Variants in BAZ2B observed in about 807,000 individuals in gnomAD.
The protein encoded by BAZ2B is bromodomain adjacent to zinc finger domain protein 2B.
A neutral mutation model predicts 246.0 loss-of-function variants in BAZ2B; 91 were observed. The ratio of observed to expected loss-of-function variants is 0.37; its 90% CI spans 0.31 to 0.44. The LOEUF (loss-of-function observed/expected upper bound fraction) is 0.44. Among genes scored for constraint, BAZ2B ranks in the 20% least tolerant of loss-of-function variants. BAZ2B has a pLI of 1.00. For missense variants in BAZ2B, 2,332 were observed against 2,533.7 expected, an observed-to-expected ratio of 0.92 and a Z score of 1.71; for synonymous variants, 855 against 860.0, an observed-to-expected ratio of 0.99 and a Z score of 0.10.
At chr2:159,710,189 A>G in the BAZ2B span, among the ~76,000 whole-genome samples, 1 of 150,770 alleles carries the variant, frequency 6.6e-6, no homozygotes, top group Non-Finnish European at 1.5e-5. Context: ...ACCTATTCAC[A>G]TCCATAATTC....
At chr2:159,468,443 G>GA in intron 3 of BAZ2B, among the ~76,000 whole-genome samples, 1 of 152,302 alleles carries the variant, frequency 6.6e-6, no homozygotes, top group East Asian at 1.9e-4. Flanking sequence ...AGTCTAGCAT[G>GA]AAAAAGCAGA....
At chr2:159,467,647 T>G (rs1340075228) in intron 3 of BAZ2B, among the ~76,000 whole-genome samples, 3 of 152,188 alleles carry the variant, frequency 2.0e-5, no homozygotes, top group Admixed American at 6.5e-5. Context: ...GAAAAAATTT[T>G]TTTAAATTAA....
chr2:159,690,827 C>T, the BAZ2B span, among the ~76,000 whole-genome samples: 2 of 152,006 alleles, frequency 1.3e-5, no homozygotes, highest in Non-Finnish European at 2.9e-5. Flanking sequence ...ATATCATCTG[C>T]AAATAGAGAT....
At chr2:159,702,445 T>C in the BAZ2B span, among the ~76,000 whole-genome samples, 1 of 152,192 alleles carries the variant, frequency 6.6e-6, no homozygotes, top group Admixed American at 6.5e-5. Context: ...TAATTTTTAA[T>C]GCTACTATTT....
At chr2:159,348,566 T>C in intron 30 of BAZ2B, 112 bp downstream of exon 30, 3 of 1,265,844 alleles carry the variant, frequency 2.4e-6, no homozygotes, top group South Asian at 3.3e-5. Flanking sequence ...AATCCATAGA[T>C]GTGGAACCCA....
intron 2 of BAZ2B, among the ~76,000 whole-genome samples, chr2:159,498,361 C>A (rs954979851): frequency 1.3e-5 from 2 of 151,992 alleles, no homozygotes; most frequent in African/African-American, 2.4e-5. Context: ...CAATTCCAAG[C>A]CGATTTAGTT....
At chr2:159,610,926 T>C (rs1173738381) in intron 1 of BAZ2B, among the ~76,000 whole-genome samples, 1 of 152,102 alleles carries the variant, frequency 6.6e-6, no homozygotes, top group Non-Finnish European at 1.5e-5. Context: ...TTTCAAACTC[T>C]ATTATGACTG....
At chr2:159,685,381 C>T in the BAZ2B span, among the ~76,000 whole-genome samples, 1 of 152,134 alleles carries the variant, frequency 6.6e-6, no homozygotes, top group African/African-American at 2.4e-5. Flanking sequence ...GGATGTGCAT[C>T]TTACAACATT....
intron 2 of BAZ2B, among the ~76,000 whole-genome samples, chr2:159,491,534 A>C (rs921127387): frequency 6.7e-6 from 1 of 150,200 alleles, no homozygotes; most frequent in Non-Finnish European, 1.5e-5. Flanking sequence ...TCCCGGCTAA[A>C]ACGGTGAAAC....
rs528700518 is a variant in BAZ2B, at chr2:159,502,708, G to A, written c.-2-23987C>T. On this transcript the variant is annotated intron_variant, in intron 2 of 36. Transcript: ENST00000392783. ...ATTTGACTTAATGAATTCTCTATGGGAATTTTAAATTCAATATTCTTGATT... is the reference window on the plus strand; with the variant it reads ...ATTTGACTTAATGAATTCTCTATGGAAATTTTAAATTCAATATTCTTGATT... Among the ~76,000 whole-genome samples, 9 of 152,204 alleles carry A rather than the reference G, an allele frequency of 5.9e-5. No individual in the cohort carries two copies. The South Asian group carries it at 8.3e-4, about 14-fold the overall frequency.
intron 31 of BAZ2B, among the ~76,000 whole-genome samples, chr2:159,338,539 C>G (rs1331379051): frequency 6.6e-6 from 1 of 152,170 alleles, no homozygotes; most frequent in Non-Finnish European, 1.5e-5. Flanking sequence ...TGTATGTTGA[C>G]TGAACAATCA....
At chr2:159,450,489 C>G (rs1450743255) in intron 4 of BAZ2B, among the ~76,000 whole-genome samples, 3 of 151,662 alleles carry the variant, frequency 2.0e-5, no homozygotes, top group African/African-American at 4.8e-5. Flanking sequence ...ACAATAAGAT[C>G]AGTTAAATAA....
At chr2:159,482,937 C>A (rs1577613904) in intron 2 of BAZ2B, among the ~76,000 whole-genome samples, 1 of 152,136 alleles carries the variant, frequency 6.6e-6, no homozygotes, top group East Asian at 1.9e-4. Context: ...AGGGCCAGAG[C>A]ATCCACATCT....
chr2:159,608,918 A>AGCT (rs1386337090), intron 1 of BAZ2B, among the ~76,000 whole-genome samples: 9 of 152,278 alleles, frequency 5.9e-5, no homozygotes, highest in African/African-American at 2.2e-4. Flanking sequence ...AAGTGCTGAG[A>AGCT]GCTACTTCAT....
the BAZ2B span, among the ~76,000 whole-genome samples, chr2:159,637,879 T>C: frequency 3.9e-5 from 6 of 152,340 alleles, no homozygotes; most frequent in South Asian, 2.1e-4. Flanking sequence ...TCTAAAGTTT[T>C]TGACTCCAAT....
chr2:159,404,370 C>T (rs1159671067), intron 16 of BAZ2B: 2 of 125,354 alleles, frequency 1.6e-5, no homozygotes, highest in Non-Finnish European at 3.5e-5. Context: ...ATGCTGTCAT[C>T]ATTTTTTTTT....
the BAZ2B span, among the ~76,000 whole-genome samples, chr2:159,682,809 G>A: frequency 6.6e-6 from 1 of 151,960 alleles, no homozygotes; most frequent in Non-Finnish European, 1.5e-5. Flanking sequence ...CTTGGCTGCA[G>A]GAGTTCCAAA....
chr2:159,566,969 C>T (rs1051892227), intron 1 of BAZ2B, among the ~76,000 whole-genome samples: 1 of 152,076 alleles, frequency 6.6e-6, no homozygotes, highest in East Asian at 1.9e-4. Flanking sequence ...AGGGGCCGGG[C>T]GTGGTGGCTC....
the BAZ2B span, chr2:159,689,849 T>G: frequency 4.1e-6 from 2 of 486,172 alleles, no homozygotes; most frequent in Non-Finnish European, 7.4e-6. Context: ...GCAGAATTGC[T>G]GGTACTGAGC....
Sources: allele counts gnomAD v4.1 joint callset (sites outside exome capture counted in the v4.1 genomes callset), GRCh38; gene constraint gnomAD v4.1.1; transcripts MANE v1.5; gene names NCBI Gene and HGNC (gene_info 2026-07-23, HGNC 2026-07-21).